ULK4: variants seen among roughly 807,000 people sequenced by gnomAD.
ULK4 encodes unc-51 like kinase 4.
A neutral mutation model predicts 160.6 loss-of-function variants in ULK4; 133 were observed. That is an observed-to-expected ratio of 0.83 (90% CI 0.72 to 0.96). The LOEUF is 0.96. Among genes scored for constraint, ULK4 ranks in the 40% least tolerant of loss-of-function variants. The pLI, the probability that ULK4 is intolerant of heterozygous loss-of-function variation, is 0.00. For missense variants in ULK4, 1,580 were observed against 1,499.5 expected (o/e 1.05, Z -0.89); for synonymous variants, 534 against 539.8 (o/e 0.99, Z 0.15).
intron 35 of ULK4, among the ~76,000 whole-genome samples, chr3:41,297,291 C>T (rs896446825): frequency 9.2e-5 from 14 of 152,076 alleles, no homozygotes; most frequent in Non-Finnish European, 1.8e-4. Flanking sequence ...AATCACTGGG[C>T]GGGGGGTTGG....
At chr3:41,529,392 C>T (rs1184292533) in intron 32 of ULK4, among the ~76,000 whole-genome samples, 1 of 152,102 alleles carries the variant, frequency 6.6e-6, no homozygotes, top group East Asian at 1.9e-4. Context: ...TTTGTTAATG[C>T]AAAGTTTTAG....
chr3:41,398,147 C>CAAAAA lies in ULK4; in HGVS notation c.3605_3609dup (p.Ala1204PhefsTer6), dbSNP rs1379708102. ...TCCTCCTTGGATGTCAGTAAATGAG[C>CAAAAA]AAAAATTTCCACATTTTCAGGAGAG... On this transcript the variant is annotated frameshift_variant, in exon 35 of 37. Coordinates refer to ENST00000301831, the MANE Select transcript of ULK4 (RefSeq NM_017886.4). LOFTEE classifies it high-confidence loss of function. The CAAAAA allele has an allele frequency of 1.9e-6, 3 of 1,613,336 alleles. No homozygotes were observed. Among genetic ancestry groups the CAAAAA allele is most frequent in the Middle Eastern group, 1.6e-4 (1 of 6,070 alleles).
intron 21 of ULK4, chr3:41,766,799 T>A (rs906883211): frequency 1.3e-5 from 2 of 152,190 alleles, no homozygotes; most frequent in Non-Finnish European, 2.9e-5. Context: ...AGGGCTTTGG[T>A]TGGGACACAC....
At chr3:41,635,079 T>C (rs529642496) in intron 30 of ULK4, among the ~76,000 whole-genome samples, 5 of 152,334 alleles carry the variant, frequency 3.3e-5, no homozygotes, top group Non-Finnish European at 7.4e-5. Context: ...ACTGTACTCA[T>C]TCTCCTTGCT....
chr3:41,866,471 C>A (rs1479393091), intron 17 of ULK4, among the ~76,000 whole-genome samples: 1 of 152,184 alleles, frequency 6.6e-6, no homozygotes, highest in East Asian at 1.9e-4. Flanking sequence ...ATAAAGTGTG[C>A]ACAACCTACA....
chr3:41,682,123 G>A (rs2035943644), intron 27 of ULK4, among the ~76,000 whole-genome samples: 1 of 152,044 alleles, frequency 6.6e-6, no homozygotes, highest in African/African-American at 2.4e-5. Context: ...CATCAAATTA[G>A]TATGTATAAG....
chr3:41,900,829 T>A lies in ULK4; in HGVS notation c.1183A>T (p.Ile395Phe). The A allele has an allele frequency of 6.2e-7, 1 of 1,611,738 alleles. No homozygotes were observed. The highest frequency in any genetic ancestry group is 2.2e-5 in the East Asian group (1 of 44,860). Residue 395 changes from isoleucine to phenylalanine, a missense_variant and splice_region_variant, in exon 13 of 37, where the codon ATT becomes TTT. Ile to Phe is a conservative substitution (Grantham distance 21). Coordinates refer to ENST00000301831, the MANE Select transcript of ULK4 (RefSeq NM_017886.4). ...TGCTGACTCAGGTGTCCACTTGTAATCTGAAATGAGAACAAAAATTAGACT... is the reference window on the plus strand; with the variant it reads ...TGCTGACTCAGGTGTCCACTTGTAAACTGAAATGAGAACAAAAATTAGACT... ...SPQKTSPLTK[I>F]TSGHLSQQDL...
At chr3:41,876,804 G>A (rs757554786) in intron 17 of ULK4, among the ~76,000 whole-genome samples, 3 of 152,076 alleles carry the variant, frequency 2.0e-5, no homozygotes, top group East Asian at 1.9e-4. Context: ...TTCAAAAGCC[G>A]GCAAAATCAT....
At chr3:41,352,880 AC>A (rs1489908654) in intron 35 of ULK4, among the ~76,000 whole-genome samples, 1 of 152,204 alleles carries the variant, frequency 6.6e-6, no homozygotes. Context: ...AGGCCAATTC[AC>A]AAAAAAAGCA....
rs929546381 is a variant in ULK4 at position 41,859,014 on chromosome 3, G to C, written c.1657-23043C>G. Among the ~76,000 whole-genome samples the C allele has an allele frequency of 6.2e-4, 95 of 152,224 alleles. 1 individual carries two copies. Among genetic ancestry groups the C allele is most frequent in the African/African-American group, 1.8e-3 (75 of 41,528 alleles). The stretch of plus-strand genomic sequence containing the variant: ...ACTTCATTGGTTCCCATGTGAGAAG[G>C]CAGGAGCCATCTTCAAATGCACAGA... On this transcript the variant is annotated intron_variant, in intron 17 of 36. Coordinates refer to ENST00000301831, the MANE Select transcript of ULK4 (RefSeq NM_017886.4).
At chr3:41,256,053 C>T (rs534727768) in intron 35 of ULK4, among the ~76,000 whole-genome samples, 7 of 151,704 alleles carry the variant, frequency 4.6e-5, no homozygotes, top group Non-Finnish European at 7.4e-5. Flanking sequence ...AAAATGCTGA[C>T]GAAAGAAAAT....
intron 19 of ULK4, among the ~76,000 whole-genome samples, chr3:41,809,436 A>T (rs540242264): frequency 1.3e-5 from 2 of 152,316 alleles, no homozygotes; most frequent in East Asian, 3.9e-4. Context: ...CAAATGTGAA[A>T]CAACAAATGT....
At chr3:41,531,104 G>C (rs908681882) in intron 32 of ULK4, among the ~76,000 whole-genome samples, 7 of 150,510 alleles carry the variant, frequency 4.7e-5, no homozygotes, top group African/African-American at 1.7e-4. Flanking sequence ...TGTTTTGGCA[G>C]ATACTGTAAC....
intron 35 of ULK4, among the ~76,000 whole-genome samples, chr3:41,359,599 G>C (rs2081100417): frequency 6.6e-6 from 1 of 152,242 alleles, no homozygotes; most frequent in African/African-American, 2.4e-5. Flanking sequence ...TCACCAGCAA[G>C]AGTTGCAGGT....
At chr3:41,291,131 T>C (rs1214768887) in intron 35 of ULK4, among the ~76,000 whole-genome samples, 3 of 152,074 alleles carry the variant, frequency 2.0e-5, no homozygotes, top group African/African-American at 7.2e-5. Context: ...GCTTCTGATT[T>C]TCACTCTCCT....
Position 41,773,223 on chromosome 3 carries a change from C to A in ULK4, c.2193+16438G>T, listed in dbSNP as rs569091691. ...ATAGTGTTGGAAGTTCTGGCCAGGG[C>A]AATCAGGCAGGAGAAGGAAATAAAG... On this transcript the variant is annotated intron_variant, in intron 21 of 36. Transcript: ENST00000301831. 2.4e-3 allele frequency among the ~76,000 whole-genome samples: 371 copies of A among 152,194 alleles called. 1 individual carries two copies. The highest frequency in any genetic ancestry group is 8.0e-3 in the African/African-American group (332 of 41,520).
intron 34 of ULK4, among the ~76,000 whole-genome samples, chr3:41,454,539 CAAAAAA>C (rs11286615): frequency 1.1e-5 from 1 of 90,952 alleles, no homozygotes; most frequent in African/African-American, 3.8e-5. Context: ...GACTTCATCT[CAAAAAA>C]AAAAAAAAAA....
chr3:41,350,317 A>T (rs1426142825), intron 35 of ULK4, among the ~76,000 whole-genome samples: 1 of 152,086 alleles, frequency 6.6e-6, no homozygotes, highest in African/African-American at 2.4e-5. Context: ...TCTCTTCTCC[A>T]GAAAAACATA....
At chr3:41,763,625 T>C (rs2039063240) in intron 21 of ULK4, among the ~76,000 whole-genome samples, 1 of 152,224 alleles carries the variant, frequency 6.6e-6, no homozygotes, top group Admixed American at 6.5e-5. Flanking sequence ...TTGGGTTGTT[T>C]AGAGTTTGGG....
Sources: gnomAD v4.1 joint callset for allele counts (sites outside exome capture counted in the v4.1 genomes callset) on GRCh38, gnomAD v4.1.1 for gene constraint, MANE v1.5 for transcripts, NCBI Gene and HGNC (gene_info 2026-07-23, HGNC 2026-07-21) for gene names.